The following DDX17 variants were observed in gnomAD, a reference collection of about 807,000 sequenced individuals.
The protein encoded by DDX17 is DEAD-box helicase 17.
In DDX17, 10 loss-of-function variants were observed where a neutral mutation model predicts 80.8. The ratio of observed to expected loss-of-function variants is 0.12; its 90% CI spans 0.08 to 0.21. The LOEUF (loss-of-function observed/expected upper bound fraction) is 0.21, where lower values mean the gene tolerates loss of function less well. DDX17 is among the 10% of genes least tolerant of loss of function. The probability of loss-of-function intolerance (pLI) is 1.00; values close to 1 mark genes in which losing one functional copy is unlikely to be tolerated. For synonymous variants in DDX17, 339 were observed against 336.2 expected, an observed-to-expected ratio of 1.01 and a Z score of -0.09; for missense variants, 586 against 957.4, an observed-to-expected ratio of 0.61 and a Z score of 5.12.
intron 9 of DDX17, 23 bp from the exon 10 acceptor site, chr22:38,493,794 T>C (rs534962466): frequency 6.2e-7 from 1 of 1,605,952 alleles, no homozygotes; most frequent in Admixed American, 1.7e-5. Context: ...AAGTGACCAA[T>C]ATTTTAAAAA....
At chr22:38,493,399 C>G in intron 10 of DDX17, 1 of 243,744 alleles carries the variant, frequency 4.1e-6, no homozygotes, top group South Asian at 1.0e-4. Flanking sequence ...GTTGCCCAGA[C>G]CGGTCTTGAA....
chr22:38,500,896 T>C lies in DDX17; in HGVS notation c.438+234A>G, dbSNP rs1223618423. ...CTGTAATCCTAGCACTTTGAAAAGCTGAGGCAGGTAGTTTGCTTGAGCTAG... is the reference window on the plus strand; with the variant it reads ...CTGTAATCCTAGCACTTTGAAAAGCCGAGGCAGGTAGTTTGCTTGAGCTAG... On this transcript the variant is annotated intron_variant, in intron 2 of 12. Coordinates refer to ENST00000403230, the MANE Select transcript of DDX17 (RefSeq NM_006386.5). 2.9e-5 allele frequency among the ~76,000 whole-genome samples: 4 copies of C among 138,560 alleles called. No homozygotes were observed. The East Asian group carries it at 8.6e-4, about 30-fold the overall frequency. 90.9% of individuals were successfully genotyped at this position (138,560 alleles called of 152,430 possible).
At chr22:38,496,648 C>A (rs1432896059) in intron 5 of DDX17, among the ~76,000 whole-genome samples, 2 of 152,072 alleles carry the variant, frequency 1.3e-5, no homozygotes, top group African/African-American at 4.8e-5. Flanking sequence ...CCATGCCTGG[C>A]CTAAAATTTG....
rs569752437 is a variant in DDX17, at chr22:38,498,396, A to T, written c.672+44T>A. 6 of 1,609,806 alleles carry T rather than the reference A, an allele frequency of 3.7e-6. No homozygotes were observed. In the African/African-American group the frequency reaches 8.0e-5, roughly 21 times the overall value. On this transcript the variant is annotated intron_variant, in intron 4 of 12. Transcript: ENST00000403230. ...AACGTATGACAACTAGAATAGCAAA[A>T]TAAGTTACCACAATATCAAGGATCT...
intron 9 of DDX17, 110 bp from the exon 10 acceptor site, chr22:38,493,881 G>A (rs1471900281): frequency 1.6e-6 from 2 of 1,263,892 alleles, no homozygotes; most frequent in Admixed American, 1.8e-5. Flanking sequence ...CAGGCTTCAT[G>A]AATAGATGAC....
At chr22:38,499,362 A>G in intron 3 of DDX17, 38 bp downstream of exon 3, 1 of 1,537,626 alleles carries the variant, frequency 6.5e-7, no homozygotes. Flanking sequence ...ATTCAACCCA[A>G]TTTAACAAAT....
intron 1 of DDX17, 22 bp downstream of exon 1, chr22:38,505,924 GCCTCT>G (rs1180580187): frequency 1.9e-6 from 3 of 1,541,604 alleles, no homozygotes; most frequent in African/African-American, 1.4e-5. Context: ...CCCACGCCAG[GCCTCT>G]CCTCTCCTCC....
At chr22:38,496,975 T>C (rs890959782) in intron 5 of DDX17, among the ~76,000 whole-genome samples, 5 of 152,112 alleles carry the variant, frequency 3.3e-5, no homozygotes, top group Non-Finnish European at 5.9e-5. Flanking sequence ...TGTTCATAAA[T>C]ATATAGGACA....
intron 11 of DDX17, chr22:38,490,030 T>G: frequency 9.6e-7 from 1 of 1,039,420 alleles, no homozygotes. Flanking sequence ...CTTGGAAGTA[T>G]TTCTAGAAGG....
At chr22:38,500,627 C>G (rs959681814) in intron 2 of DDX17, among the ~76,000 whole-genome samples, 1 of 150,474 alleles carries the variant, frequency 6.6e-6, no homozygotes, top group Non-Finnish European at 1.5e-5. Flanking sequence ...ACCAGCCTGC[C>G]CAACATAGTG....
chr22:38,491,991 G>C, intron 11 of DDX17, 65 bp downstream of exon 11: 1 of 1,188,440 alleles, frequency 8.4e-7, no homozygotes. Flanking sequence ...GTCTGAATTT[G>C]AAATGACGAA....
At chr22:38,505,864 C>A (rs1484267623) in intron 1 of DDX17, 87 bp downstream of exon 1, 5 of 1,469,216 alleles carry the variant, frequency 3.4e-6, no homozygotes, top group Admixed American at 2.2e-5. Flanking sequence ...GAGAGCAAGG[C>A]TCCCAGGCTC....
chr22:38,504,231 C>CT (rs1190124479), intron 1 of DDX17, among the ~76,000 whole-genome samples: 2 of 152,198 alleles, frequency 1.3e-5, no homozygotes, highest in East Asian at 3.8e-4. Flanking sequence ...CCACAACGTG[C>CT]TTTTTAACTC....
At chr22:38,501,386 T>C (rs2089829341) in intron 1 of DDX17, 106 bp from the exon 2 acceptor site, 1 of 1,329,444 alleles carries the variant, frequency 7.5e-7, no homozygotes, top group African/African-American at 1.5e-5. Context: ...ACTACCAGCC[T>C]ACCTCCAAAA....
intron 12 of DDX17, 73 bp from the exon 13 acceptor site, chr22:38,486,513 G>A: frequency 6.8e-7 from 1 of 1,459,916 alleles, no homozygotes; most frequent in Non-Finnish European, 9.1e-7. Flanking sequence ...AAATTCTACT[G>A]GGTACAAAAG....
rs930154371 is a variant in DDX17 at position 38,484,088 on chromosome 22, C to A, written c.*1847G>T. Reference sequence around the variant, plus strand: ...TATGTTTAAAGAAAGAAGAAAAAAACCCAGAATTTGGTTGTAGAAAACAAT... The same window carrying A: ...TATGTTTAAAGAAAGAAGAAAAAAAACCAGAATTTGGTTGTAGAAAACAAT... On this transcript the variant is annotated 3_prime_UTR_variant, in exon 13 of 13. Transcript: ENST00000403230. 3.8e-4 allele frequency: 53 copies of A among 140,054 alleles called. No individual in the cohort carries two copies. The highest frequency in any genetic ancestry group is 5.7e-4 in the Non-Finnish European group (35 of 61,140). 8.7% of individuals were successfully genotyped at this position (140,054 alleles called of 1,614,324 possible). A position where few individuals can be genotyped will look rare whatever the true frequency, so the allele number is the denominator to read the frequency against.
chr22:38,503,923 T>C (rs2089855119), intron 1 of DDX17, among the ~76,000 whole-genome samples: 1 of 152,236 alleles, frequency 6.6e-6, no homozygotes, highest in South Asian at 2.1e-4. Flanking sequence ...GCACAGATCT[T>C]ATGAAAGAAG....
intron 10 of DDX17, 69 bp from the exon 11 acceptor site, chr22:38,492,184 G>T: frequency 7.5e-7 from 1 of 1,341,922 alleles, no homozygotes; most frequent in Non-Finnish European, 1.0e-6. Context: ...ACATAACCAT[G>T]TTAAAATTTC....
At chr22:38,497,276 AC>A (rs2089778112) in intron 5 of DDX17, among the ~76,000 whole-genome samples, 1 of 133,610 alleles carries the variant, frequency 7.5e-6, no homozygotes, top group Non-Finnish European at 1.6e-5. Flanking sequence ...AGCGTGGGCA[AC>A]CAAGAGCGAA....
Sources: allele counts gnomAD v4.1 joint callset (sites outside exome capture counted in the v4.1 genomes callset), GRCh38; gene constraint gnomAD v4.1.1; transcripts MANE v1.5; gene names NCBI Gene and HGNC (gene_info 2026-07-23, HGNC 2026-07-21).